The following NRXN1 variants were observed in gnomAD, a reference collection of about 807,000 sequenced individuals.
The protein encoded by NRXN1 is neurexin 1.
A neutral mutation model predicts 150.9 loss-of-function variants in NRXN1; 39 were observed. That is an observed-to-expected ratio of 0.26 (90% CI 0.20 to 0.34). The LOEUF (loss-of-function observed/expected upper bound fraction) is 0.34, where lower values mean the gene tolerates loss of function less well. NRXN1 is among the 10% of genes least tolerant of loss of function. NRXN1 has a pLI of 1.00. For missense variants in NRXN1, 1,815 were observed against 1,949.9 expected, an observed-to-expected ratio of 0.93 and a Z score of 1.30; for synonymous variants, 924 against 757.0, an observed-to-expected ratio of 1.22 and a Z score of -3.62.
At chr2:50,947,734 G>A (rs778512774) in intron 2 of NRXN1, among the ~76,000 whole-genome samples, 5 of 151,960 alleles carry the variant, frequency 3.3e-5, no homozygotes, top group Admixed American at 6.6e-5. Context: ...GCAAAGGTAC[G>A]TATCCAAATA....
At chr2:50,410,732 T>C (rs2083088959) in intron 17 of NRXN1, among the ~76,000 whole-genome samples, 1 of 152,210 alleles carries the variant, frequency 6.6e-6, no homozygotes. Flanking sequence ...GCAGGCCTAT[T>C]GATCTTGCCA....
chr2:50,896,539 A>G lies in NRXN1; in HGVS notation c.832+25330T>C, dbSNP rs1681985023. 2.0e-5 allele frequency among the ~76,000 whole-genome samples: 3 copies of G among 152,230 alleles called. No individual in the cohort carries two copies. The South Asian group carries it at 6.2e-4, about 32-fold the overall frequency. On this transcript the variant is annotated intron_variant, in intron 5 of 22. Coordinates refer to ENST00000401669, the MANE Select transcript of NRXN1 (RefSeq NM_001330078.2). ...TGGGAGACAAGTGGCAGAAGGTTGA[A>G]GTATCTAATAGAAAGGTTCAGAATT...
At chr2:50,154,245 G>C (rs4971650) in intron 18 of NRXN1, among the ~76,000 whole-genome samples, 1 of 151,228 alleles carries the variant, frequency 6.6e-6, no homozygotes, top group East Asian at 2.0e-4. Context: ...AAAAGACTAC[G>C]CATTGAGTAC....
intron 5 of NRXN1, among the ~76,000 whole-genome samples, chr2:50,753,742 T>G (rs150951827): frequency 1.2e-3 from 180 of 151,864 alleles, no homozygotes; most frequent in African/African-American, 4.2e-3. Context: ...TCTGAGTGAT[T>G]AGATAGGGGA....
At chr2:50,919,814 C>G (rs1222906202) in intron 5 of NRXN1, 1 of 162,526 alleles carries the variant, frequency 6.2e-6, no homozygotes, top group Non-Finnish European at 1.4e-5. Context: ...ATAAGACAGA[C>G]TTGGATTGAT....
chr2:50,562,879 A>G (rs1280337117), intron 8 of NRXN1, among the ~76,000 whole-genome samples: 1 of 152,062 alleles, frequency 6.6e-6, no homozygotes, highest in Non-Finnish European at 1.5e-5. Context: ...TCACAGCTTT[A>G]TAATATATTC....
chr2:50,056,943 T>G (rs1693740271), intron 19 of NRXN1, among the ~76,000 whole-genome samples: 1 of 152,106 alleles, frequency 6.6e-6, no homozygotes, highest in South Asian at 2.1e-4. Context: ...GCTAGAGTCT[T>G]CCAATCATCA....
At chr2:50,082,877 T>C (rs1312043558) in intron 19 of NRXN1, among the ~76,000 whole-genome samples, 1 of 152,190 alleles carries the variant, frequency 6.6e-6, no homozygotes, top group African/African-American at 2.4e-5. Context: ...TCATTCCCAA[T>C]AGTATCCAAA....
chr2:50,135,843 T>C (rs1240666129), intron 18 of NRXN1, among the ~76,000 whole-genome samples: 1 of 152,218 alleles, frequency 6.6e-6, no homozygotes, highest in Non-Finnish European at 1.5e-5. Flanking sequence ...TTCAGTCAAA[T>C]AATTCTACTG....
intron 17 of NRXN1, among the ~76,000 whole-genome samples, chr2:50,404,810 T>A (rs2082641898): frequency 6.6e-6 from 1 of 152,102 alleles, no homozygotes; most frequent in Non-Finnish European, 1.5e-5. Context: ...TTTGACTCCC[T>A]GCTCTAGTGG....
At chr2:50,843,460 GA>G (rs1290565937) in intron 5 of NRXN1, among the ~76,000 whole-genome samples, 1 of 152,162 alleles carries the variant, frequency 6.6e-6, no homozygotes, top group Non-Finnish European at 1.5e-5. Flanking sequence ...TTGAAATAAA[GA>G]TGAGAGACTT....
At chr2:50,861,036 G>C (rs1479271229) in intron 5 of NRXN1, among the ~76,000 whole-genome samples, 1 of 152,026 alleles carries the variant, frequency 6.6e-6, no homozygotes, top group Non-Finnish European at 1.5e-5. Context: ...AAGTATAAAT[G>C]GGCATAGACA....
intron 5 of NRXN1, among the ~76,000 whole-genome samples, chr2:50,713,297 G>A: frequency 6.9e-6 from 1 of 145,974 alleles, no homozygotes. Context: ...CTGAGTGACA[G>A]AGTGAGACTC....
At chr2:50,189,178 T>C (rs1160346396) in intron 18 of NRXN1, among the ~76,000 whole-genome samples, 1 of 152,186 alleles carries the variant, frequency 6.6e-6, no homozygotes, top group Non-Finnish European at 1.5e-5. Flanking sequence ...AATGGAATAC[T>C]ATGAAGTCAT....
chr2:50,860,537 T>C (rs1208145529), intron 5 of NRXN1, among the ~76,000 whole-genome samples: 2 of 152,064 alleles, frequency 1.3e-5, no homozygotes, highest in East Asian at 3.9e-4. Context: ...GGCACAGATC[T>C]GGAATTTGTA....
intron 5 of NRXN1, among the ~76,000 whole-genome samples, chr2:50,898,957 T>A (rs1192495828): frequency 1.3e-5 from 2 of 151,730 alleles, no homozygotes; most frequent in Non-Finnish European, 2.9e-5. Flanking sequence ...TTAAAAATTA[T>A]TTCCTAATAT....
At chr2:50,873,156 T>A (rs1304421557) in intron 5 of NRXN1, among the ~76,000 whole-genome samples, 1 of 151,906 alleles carries the variant, frequency 6.6e-6, no homozygotes, top group Non-Finnish European at 1.5e-5. Context: ...AGTTTCTTTA[T>A]AATGAAGTAA....
At chr2:50,202,955 G>C (rs1457337031) in intron 18 of NRXN1, among the ~76,000 whole-genome samples, 2 of 152,016 alleles carry the variant, frequency 1.3e-5, no homozygotes, top group African/African-American at 4.8e-5. Flanking sequence ...ACACAGACCA[G>C]AAAATTAAAA....
At chr2:50,644,272 T>A (rs893222464) in intron 5 of NRXN1, among the ~76,000 whole-genome samples, 1 of 151,720 alleles carries the variant, frequency 6.6e-6, no homozygotes, top group African/African-American at 2.4e-5. Flanking sequence ...CCTGATTATG[T>A]TAGGTAACTG....
Sources: allele counts gnomAD v4.1 joint callset (sites outside exome capture counted in the v4.1 genomes callset), GRCh38; gene constraint gnomAD v4.1.1; transcripts MANE v1.5; gene names NCBI Gene and HGNC (gene_info 2026-07-23, HGNC 2026-07-21).